The following RAD51B variants were observed in gnomAD, a reference collection of about 807,000 sequenced individuals.
RAD51B encodes the protein RAD51 paralog B, also known as DNA repair protein RAD51 homolog 2.
RAD51B carries 38 observed loss-of-function variants against 42.2 expected under a neutral mutation model. The ratio of observed to expected loss-of-function variants is 0.90; its 90% CI spans 0.70 to 1.18. The LOEUF is 1.18. Among genes scored for constraint, RAD51B ranks in the 50% most tolerant of loss-of-function variants. The probability of loss-of-function intolerance (pLI) is 0.00; values close to 1 mark genes in which losing one functional copy is unlikely to be tolerated. For missense variants in RAD51B, 373 were observed against 400.7 expected (o/e 0.93, Z 0.59); for synonymous variants, 154 against 145.2 (o/e 1.06, Z -0.43).
intron 7 of RAD51B, among the ~76,000 whole-genome samples, chr14:68,138,977 C>T (rs886072607): frequency 6.6e-6 from 1 of 152,024 alleles, no homozygotes; most frequent in African/African-American, 2.4e-5. Flanking sequence ...ATGCCATATA[C>T]TATGGAAGAA....
intron 7 of RAD51B, among the ~76,000 whole-genome samples, chr14:68,060,732 G>A (rs868243498): frequency 2.0e-5 from 3 of 152,018 alleles, no homozygotes; most frequent in Non-Finnish European, 4.4e-5. Context: ...ACGTAATAGG[G>A]GAAAAAATGC....
At chr14:68,660,897 C>T (rs1164128752) in intron 11 of RAD51B, among the ~76,000 whole-genome samples, 1 of 152,192 alleles carries the variant, frequency 6.6e-6, no homozygotes, top group Non-Finnish European at 1.5e-5. Flanking sequence ...CCCAGGACCA[C>T]CAAAATGAGG....
chr14:68,662,508 A>G (rs1343290920), intron 11 of RAD51B, among the ~76,000 whole-genome samples: 1 of 152,238 alleles, frequency 6.6e-6, no homozygotes, highest in Non-Finnish European at 1.5e-5. Flanking sequence ...GGAACCACCC[A>G]GCAGGCTGAC....
chr14:68,390,031 A>G (rs1298550899), intron 8 of RAD51B, among the ~76,000 whole-genome samples: 1 of 152,254 alleles, frequency 6.6e-6, no homozygotes, highest in Non-Finnish European at 1.5e-5. Flanking sequence ...AATCTGAGAC[A>G]AGTCTGTAAA....
chr14:68,091,713 T>A (rs1381434777), intron 7 of RAD51B, among the ~76,000 whole-genome samples: 2 of 152,220 alleles, frequency 1.3e-5, no homozygotes, highest in East Asian at 3.9e-4. Flanking sequence ...TTAGATCCCA[T>A]TTGTCAATTT....
intron 10 of RAD51B, chr14:68,541,244 C>T (rs1887951286): frequency 1.0e-6 from 1 of 985,292 alleles, no homozygotes; most frequent in African/African-American, 1.7e-5. Flanking sequence ...GAAGATTTGA[C>T]AGATATTGGT....
chr14:68,049,157 A>G (rs546978843), intron 7 of RAD51B, among the ~76,000 whole-genome samples: 2 of 151,426 alleles, frequency 1.3e-5, no homozygotes, highest in African/African-American at 4.8e-5. Context: ...GAATTGAACA[A>G]TGAGAACACT....
At chr14:67,975,563 G>A (rs915628154) in intron 7 of RAD51B, among the ~76,000 whole-genome samples, 3 of 152,160 alleles carry the variant, frequency 2.0e-5, no homozygotes, top group Admixed American at 6.5e-5. Flanking sequence ...CAAATCTGGC[G>A]GCTTCTTGAA....
At chr14:68,343,172 T>C (rs1455537990) in intron 8 of RAD51B, among the ~76,000 whole-genome samples, 1 of 152,198 alleles carries the variant, frequency 6.6e-6, no homozygotes, top group Non-Finnish European at 1.5e-5. Flanking sequence ...CTCTTAACAA[T>C]TTTCAAATGT....
At chr14:67,972,553 A>G (rs1275606598) in intron 7 of RAD51B, among the ~76,000 whole-genome samples, 1 of 152,136 alleles carries the variant, frequency 6.6e-6, no homozygotes, top group Non-Finnish European at 1.5e-5. Flanking sequence ...CATTATCTAC[A>G]CAGAGAAAAG....
intron 7 of RAD51B, among the ~76,000 whole-genome samples, chr14:68,071,800 C>T (rs1476087639): frequency 1.3e-5 from 2 of 151,670 alleles, no homozygotes; most frequent in Non-Finnish European, 2.9e-5. Context: ...GGAGGAGTCT[C>T]TTCTCCCCAG....
intron 7 of RAD51B, among the ~76,000 whole-genome samples, chr14:67,973,129 A>G (rs2074929392): frequency 1.3e-5 from 2 of 152,126 alleles, no homozygotes; most frequent in Non-Finnish European, 2.9e-5. Flanking sequence ...AAGGCTGCTG[A>G]AAGGTACACC....
At chr14:68,540,166 C>CTTTTTT (rs11321834) in intron 10 of RAD51B, 102 of 587,178 alleles carry the variant, frequency 1.7e-4, no homozygotes, top group South Asian at 2.6e-4. Flanking sequence ...TACCCTGCTC[C>CTTTTTT]TTTTTTTTTT....
At chr14:68,014,848 G>A (rs1295602954) in intron 7 of RAD51B, among the ~76,000 whole-genome samples, 6 of 117,518 alleles carry the variant, frequency 5.1e-5, no homozygotes, top group Non-Finnish European at 8.3e-5. Flanking sequence ...AAGAATGAAT[G>A]CAAAAAAAAA....
chr14:67,854,228 G>A (rs2041912522), intron 4 of RAD51B, among the ~76,000 whole-genome samples: 1 of 152,198 alleles, frequency 6.6e-6, no homozygotes, highest in Non-Finnish European at 1.5e-5. Context: ...ATACATAAAA[G>A]AGTAAAATCT....
chr14:68,191,399 G>A (rs1183177292), intron 7 of RAD51B, among the ~76,000 whole-genome samples: 1 of 152,126 alleles, frequency 6.6e-6, no homozygotes, highest in Non-Finnish European at 1.5e-5. Context: ...GTAACTTGAG[G>A]CCCCATGATA....
At chr14:68,090,699 A>AT (rs986874022) in intron 7 of RAD51B, among the ~76,000 whole-genome samples, 5 of 147,578 alleles carry the variant, frequency 3.4e-5, no homozygotes, top group Non-Finnish European at 6.0e-5. Flanking sequence ...TTATTTATTT[A>AT]TTATTATTAT....
chr14:67,842,551 G>A (rs1311551037), intron 4 of RAD51B, among the ~76,000 whole-genome samples: 13 of 152,108 alleles, frequency 8.5e-5, no homozygotes, highest in African/African-American at 2.2e-4. Flanking sequence ...TATATTTTTA[G>A]TAGAGATGGG....
intron 7 of RAD51B, among the ~76,000 whole-genome samples, chr14:68,272,675 T>A (rs1383124264): frequency 7.0e-3 from 151 of 21,546 alleles, no homozygotes; most frequent in South Asian, 0.011. Context: ...ATTTTTTTTT[T>A]TTTTTTTTTT....
Sources: gnomAD v4.1 joint callset for allele counts (sites outside exome capture counted in the v4.1 genomes callset) on GRCh38, gnomAD v4.1.1 for gene constraint, MANE v1.5 for transcripts, NCBI Gene and HGNC (gene_info 2026-07-23, HGNC 2026-07-21) for gene names.